Variants in VPS16 observed in about 807,000 individuals in gnomAD.
VPS16 encodes the protein VPS16 core subunit of CORVET and HOPS complexes.
A neutral mutation model predicts 116.0 loss-of-function variants in VPS16; 82 were observed. The ratio of observed to expected loss-of-function variants is 0.71; its 90% CI spans 0.59 to 0.85. The LOEUF (loss-of-function observed/expected upper bound fraction) is 0.85. Among genes scored for constraint, VPS16 ranks in the 40% least tolerant of loss-of-function variants. The pLI is 0.00. For synonymous variants in VPS16, 406 were observed against 420.7 expected, an observed-to-expected ratio of 0.96 and a Z score of 0.43; for missense variants, 928 against 1,090.6, an observed-to-expected ratio of 0.85 and a Z score of 2.10.
chr20:2,840,835 G>GGGGCC lies in VPS16; in HGVS notation c.53+8_53+9insGGGCC. 14 of 1,523,518 alleles carry GGGGCC rather than the reference G, an allele frequency of 9.2e-6. No homozygotes were observed. The highest frequency in any genetic ancestry group is 1.1e-5 in the Non-Finnish European group (12 of 1,127,268). 94.4% of individuals were successfully genotyped at this position (1,523,518 alleles called of 1,614,324 possible). A position where few individuals can be genotyped will look rare whatever the true frequency, so the allele number is the denominator to read the frequency against. On this transcript the variant is annotated intron_variant, in intron 1 of 23. Coordinates refer to ENST00000380445, the MANE Select transcript of VPS16 (RefSeq NM_022575.4). ...GGACTCTGCCTTTTACCGGTGAGCT[G>GGGGCC]CCCCGCCCTCCCGCCCACGGCCTGG...
intron 1 of VPS16, among the ~76,000 whole-genome samples, chr20:2,842,650 A>G (rs536398497): frequency 7.2e-4 from 107 of 148,128 alleles, no homozygotes; most frequent in Non-Finnish European, 1.3e-3. Flanking sequence ...ATAGATAGAT[A>G]TAGATAGATA....
At chr20:2,861,977 A>G (rs1236008592) in intron 10 of VPS16, 77 bp from the exon 11 acceptor site, 2 of 1,605,818 alleles carry the variant, frequency 1.2e-6, no homozygotes, top group African/African-American at 2.7e-5. Context: ...CCAGTGCCAC[A>G]GAGCAGGAAT....
intron 1 of VPS16, among the ~76,000 whole-genome samples, chr20:2,855,247 C>T (rs1469489442): frequency 2.0e-5 from 3 of 151,646 alleles, no homozygotes; most frequent in East Asian, 3.9e-4. Flanking sequence ...CATGAACCAC[C>T]GCGCCTGGCC....
rs754300232 is a variant in VPS16, at chr20:2,860,864, G to C, written c.630+1G>C. Reference sequence around the variant, plus strand: ...GGACCATGCAGCCTGCTCCGCAGTGGTAAGGGCCCTGAGTGGGAATGAAGT... The same window carrying C: ...GGACCATGCAGCCTGCTCCGCAGTGCTAAGGGCCCTGAGTGGGAATGAAGT... On this transcript the variant is annotated splice_donor_variant, in intron 6 of 23. Coordinates refer to ENST00000380445, the MANE Select transcript of VPS16 (RefSeq NM_022575.4). LOFTEE classifies it high-confidence loss of function. This position sits in a 1 kb window ranked among gnomAD's most constrained non-coding sequence, Gnocchi z 6.1. The C allele has an allele frequency of 6.2e-7, 1 of 1,614,118 alleles. No homozygotes were observed. Among genetic ancestry groups the C allele is most frequent in the Non-Finnish European group, 8.5e-7 (1 of 1,180,032 alleles).
In VPS16 at chr20:2,860,716, C is replaced by A; in HGVS notation, c.515-32C>A. ...AGAAACAGAAACGGTGGGCCTTGGT[C>A]ATCCTAACACTGTCCTTTTCCCTGG... On this transcript the variant is annotated intron_variant, in intron 5 of 23. Coordinates refer to ENST00000380445, the MANE Select transcript of VPS16 (RefSeq NM_022575.4). This position sits in a 1 kb window ranked among gnomAD's most constrained non-coding sequence, Gnocchi z 6.1. The A allele has an allele frequency of 6.2e-7, 1 of 1,612,724 alleles. No individual in the cohort carries two copies. The highest frequency in any genetic ancestry group is 1.1e-5 in the South Asian group (1 of 91,032).
intron 1 of VPS16, among the ~76,000 whole-genome samples, chr20:2,854,854 A>G (rs1258800295): frequency 3.3e-5 from 5 of 151,788 alleles, no homozygotes; most frequent in African/African-American, 9.7e-5. Context: ...TTGATCCATG[A>G]GCTGCACAAT....
In VPS16 at chr20:2,842,864, CGATA is replaced by C. The variant is rs144890358; in HGVS notation, c.53+2049_53+2052del. Among the ~76,000 whole-genome samples, 120 of 36,696 alleles carry C rather than the reference CGATA, an allele frequency of 3.3e-3. 3 individuals carry two copies. Among genetic ancestry groups the C allele is most frequent in the Non-Finnish European group, 4.5e-3 (77 of 16,964 alleles). 24.1% of individuals were successfully genotyped at this position (36,696 alleles called of 152,430 possible). On this transcript the variant is annotated intron_variant, in intron 1 of 23. Transcript: ENST00000380445. Reference sequence around the variant, plus strand: ...TCTATCGATAGATAGATGTATCTATCGATAGATAGATAGATGTATCTATCGATAG... The same window carrying C: ...TCTATCGATAGATAGATGTATCTATCGATAGATAGATGTATCTATCGATAG...
chr20:2,840,961 C>A, intron 1 of VPS16, 134 bp downstream of exon 1: 1 of 838,182 alleles, frequency 1.2e-6, no homozygotes, highest in Non-Finnish European at 1.8e-6. Flanking sequence ...CGAGCGTCTG[C>A]CACTTAGCGC....
Position 2,866,705 on chromosome 20 carries a change from T to C in VPS16, c.*131T>C. The C allele has an allele frequency of 7.3e-7, 1 of 1,369,336 alleles. No individual in the cohort carries two copies. Among genetic ancestry groups the C allele is most frequent in the Admixed American group, 2.4e-5 (1 of 41,280 alleles). 84.8% of individuals were successfully genotyped at this position (1,369,336 alleles called of 1,614,324 possible). A position where few individuals can be genotyped will look rare whatever the true frequency, so the allele number is the denominator to read the frequency against. ...GCGGGGGCATGGTAGCAGGGCTGTC[T>C]GGTTTTAAATAAAGTTGGAACACTT... is the stretch of plus-strand genomic sequence containing the variant. On this transcript the variant is annotated 3_prime_UTR_variant, in exon 24 of 24. Coordinates refer to ENST00000380445, the MANE Select transcript of VPS16 (RefSeq NM_022575.4).
chr20:2,857,024 C>G (rs2089178690), intron 1 of VPS16, among the ~76,000 whole-genome samples: 1 of 150,556 alleles, frequency 6.6e-6, no homozygotes, highest in Admixed American at 6.6e-5. Flanking sequence ...GTCGCCCAAG[C>G]TGGAGTGCAG....
chr20:2,862,790 C>T lies in VPS16; in HGVS notation c.1204-17C>T, dbSNP rs761585399. 69 of 1,613,694 alleles carry T rather than the reference C, an allele frequency of 4.3e-5. No individual in the cohort carries two copies. The highest frequency in any genetic ancestry group is 1.7e-4 in the Middle Eastern group (1 of 6,060). ...CAGCAGGGAAGCTCTCTCCTATCGC[C>T]CTCTGGCTCTTCTCAGGCCGCCTCC... On this transcript the variant is annotated splice_polypyrimidine_tract_variant and intron_variant, in intron 12 of 23. Transcript: ENST00000380445.
At position 2,860,807 on chromosome 20, in the gene VPS16, C is replaced by G. The variant is rs145876796; in HGVS notation, c.574C>G (p.Leu192Val). The change falls in exon 6 of 24, where the codon CTT (leucine) becomes GTT (valine). Residue 192 changes from leucine to valine, a missense_variant. Transcript: ENST00000380445. The surrounding 1 kb of genome is among the most constrained non-coding windows in gnomAD (Gnocchi z 6.1). ...GTGCCAGGACCGAGTGGCACACATT[C>G]TTCTGGCTGTGGGGCCTGACCTTTA... ...VLCQDRVAHI[L>V]LAVGPDLYLL... 7.4e-6 allele frequency: 12 copies of G among 1,614,018 alleles called. No individual in the cohort carries two copies. The African/African-American group carries it at 1.3e-4, about 18-fold the overall frequency.
chr20:2,864,527 T>C lies in VPS16; in HGVS notation c.1819-20T>C. On this transcript the variant is annotated intron_variant, in intron 18 of 23. Coordinates refer to ENST00000380445, the MANE Select transcript of VPS16 (RefSeq NM_022575.4). The surrounding 1 kb of genome is among the most constrained non-coding windows in gnomAD (Gnocchi z 5.2). ...CACTTGAGTTGGCCTTGCTGACTGA[T>C]TGCCTGCCTGTGGCCCCAGTTCTGT... The C allele has an allele frequency of 6.2e-7, 1 of 1,614,128 alleles. No homozygotes were observed. Among genetic ancestry groups the C allele is most frequent in the Non-Finnish European group, 8.5e-7 (1 of 1,179,992 alleles).
intron 1 of VPS16, among the ~76,000 whole-genome samples, chr20:2,842,716 A>G (rs2089000681): frequency 1.9e-5 from 1 of 53,792 alleles, no homozygotes; most frequent in Non-Finnish European, 3.1e-5. Context: ...ATATAGATAG[A>G]CATATGGATG....
In VPS16 at chr20:2,864,844, G is replaced by A; in HGVS notation, c.1927-134G>A. 3 of 1,258,590 alleles carry A rather than the reference G, an allele frequency of 2.4e-6. No homozygotes were observed. The highest frequency in any genetic ancestry group is 3.4e-6 in the Non-Finnish European group (3 of 881,620). 78.0% of individuals were successfully genotyped at this position (1,258,590 alleles called of 1,614,324 possible). A position where few individuals can be genotyped will look rare whatever the true frequency, so the allele number is the denominator to read the frequency against. On this transcript the variant is annotated intron_variant, in intron 19 of 23. Transcript: ENST00000380445. The surrounding 1 kb of genome is among the most constrained non-coding windows in gnomAD (Gnocchi z 5.2). ...AGCTAGCCATCCCTCTAGGACATCA[G>A]AGTGGTGCACCTAGCAGGCAAGGCT...
At chr20:2,857,633 C>G (rs939435788) in intron 1 of VPS16, among the ~76,000 whole-genome samples, 5 of 152,074 alleles carry the variant, frequency 3.3e-5, no homozygotes, top group Non-Finnish European at 7.4e-5. Context: ...CCTTAGCCTT[C>G]TGAGTAGCTG....
rs776090162 is a variant in VPS16, at chr20:2,861,721, G to A, written c.899+17G>A. On this transcript the variant is annotated intron_variant, in intron 9 of 23. Coordinates refer to ENST00000380445, the MANE Select transcript of VPS16 (RefSeq NM_022575.4). ...GAGCATCCAGTATCCTTGGAGGGCT[G>A]CCTGTGTGTGGAGAGAGGGGAGGGG... The A allele has an allele frequency of 6.2e-6, 10 of 1,612,354 alleles. No individual in the cohort carries two copies. Among genetic ancestry groups the A allele is most frequent in the Non-Finnish European group, 8.5e-7 (1 of 1,179,478 alleles).
rs143760963 is a variant in VPS16 at position 2,846,399 on chromosome 20, AAGC to A, written c.53+5573_53+5575del. Among the ~76,000 whole-genome samples the A allele has an allele frequency of 2.7e-3, 405 of 152,212 alleles. 2 individuals carry two copies. In the South Asian group the frequency reaches 0.027, roughly 10 times the overall value. ...CCCAAAGTGCTGGGATTACAGGCAT[AAGC>A]CATTGCACCCGGCCTCTGTACTCCG... On this transcript the variant is annotated intron_variant, in intron 1 of 23. Transcript: ENST00000380445.
At chr20:2,848,349 TC>T (rs2089082701) in intron 1 of VPS16, among the ~76,000 whole-genome samples, 1 of 152,148 alleles carries the variant, frequency 6.6e-6, no homozygotes, top group South Asian at 2.1e-4. Flanking sequence ...GCTCAGGTGA[TC>T]CACCCACCTC....
Sources: gnomAD v4.1 joint callset for allele counts (sites outside exome capture counted in the v4.1 genomes callset) on GRCh38, gnomAD v4.1.1 for gene constraint, Gnocchi (gnomAD v3.1) non-coding constraint, MANE v1.5 for transcripts, NCBI Gene and HGNC (gene_info 2026-07-23, HGNC 2026-07-21) for gene names.